Variants in TENM1 observed in about 807,000 individuals in gnomAD.
TENM1 encodes the protein teneurin transmembrane protein 1, also known as teneurin-1.
TENM1 carries 35 observed loss-of-function variants against 174.8 expected under a neutral mutation model. That is an observed-to-expected ratio of 0.20 (90% CI 0.15 to 0.27). The LOEUF is 0.27. TENM1 is among the 10% of genes least tolerant of loss of function. The probability of loss-of-function intolerance (pLI) is 1.00; values close to 1 mark genes in which losing one functional copy is unlikely to be tolerated. For missense variants in TENM1, 1,633 were observed against 2,130.1 expected (o/e 0.77, Z 4.59); for synonymous variants, 781 against 798.7 (o/e 0.98, Z 0.37).
chrX:124,645,019 C>T, intron 10 of TENM1, 124 bp downstream of exon 13: 2 of 635,099 alleles, frequency 3.1e-6, no homozygotes, highest in Admixed American at 3.3e-5. Flanking sequence ...GCTGCATGTA[C>T]TAAGACGCTG....
chrX:124,421,959 GA>G (rs1305977369), intron 24 of TENM1, among the ~76,000 whole-genome samples: 2 of 111,946 alleles, frequency 1.8e-5, no homozygotes, highest in Non-Finnish European at 3.8e-5. Flanking sequence ...AACTTTTTAA[GA>G]GTCTAAACAT....
At chrX:124,478,750 G>T (rs1603282884) in intron 22 of TENM1, among the ~76,000 whole-genome samples, 1 of 111,767 alleles carries the variant, frequency 8.9e-6, no homozygotes, top group South Asian at 3.8e-4. Flanking sequence ...TCTCCTTAAA[G>T]AAATTCATTA....
chrX:124,587,437 G>A (rs1363193647), intron 11 of TENM1, among the ~76,000 whole-genome samples: 1 of 109,094 alleles, frequency 9.2e-6, no homozygotes, highest in East Asian at 2.9e-4. Context: ...AAGCAATGGG[G>A]AAAGGATTCC....
At chrX:125,053,015 CAA>C in the TENM1 span, among the ~76,000 whole-genome samples, 4 of 112,239 alleles carry the variant, frequency 3.6e-5, no homozygotes, top group African/African-American at 1.3e-4. Flanking sequence ...CATCACCTCA[CAA>C]AGTTACCTTT....
intron 4 of TENM1, among the ~76,000 whole-genome samples, chrX:124,727,030 A>G (rs1192694753): frequency 8.9e-6 from 1 of 112,257 alleles, no homozygotes; most frequent in Non-Finnish European, 1.9e-5. Context: ...TTTTGTAAAA[A>G]TAACCCTGTA....
At chrX:124,942,629 G>A (rs2058346909) in intron 1 of TENM1, among the ~76,000 whole-genome samples, 1 of 111,754 alleles carries the variant, frequency 8.9e-6, no homozygotes, top group Admixed American at 9.5e-5. Context: ...AAATGGTAAT[G>A]TAATTTAGAG....
At chrX:124,431,293 C>T (rs184342995) in intron 23 of TENM1, among the ~76,000 whole-genome samples, 2 of 112,637 alleles carry the variant, frequency 1.8e-5, no homozygotes, top group Admixed American at 1.9e-4. Context: ...CCATTTCAAA[C>T]ATGACACTTC....
chrX:124,648,918 G>A (rs1488289144), intron 8 of TENM1, among the ~76,000 whole-genome samples: 4 of 111,633 alleles, frequency 3.6e-5, no homozygotes, highest in African/African-American at 6.5e-5. Context: ...TTTAAGAACT[G>A]TCCCTGAGCT....
At chrX:125,049,479 A>G in the TENM1 span, among the ~76,000 whole-genome samples, 25,746 of 111,056 alleles carry the variant, frequency 0.23, 2,916 homozygotes, top group African/African-American at 0.44. Flanking sequence ...CTTTGTTATT[A>G]TGAATAAGCT....
chrX:125,006,560 C>A, the TENM1 span, among the ~76,000 whole-genome samples: 1 of 112,040 alleles, frequency 8.9e-6, no homozygotes, highest in African/African-American at 3.3e-5. Context: ...TGGCCCCATG[C>A]CTCCTGATTG....
At chrX:124,963,570 T>C (rs996257701) in exon 1 of TENM1, 8 of 1,211,511 alleles carry the variant, frequency 6.6e-6, no homozygotes, top group Non-Finnish European at 8.9e-6. Context: ...TTCCTCTTTC[T>C]ACTCTGGCTA....
At chrX:124,951,529 G>T (rs184675749) in intron 1 of TENM1, among the ~76,000 whole-genome samples, 30 of 107,724 alleles carry the variant, frequency 2.8e-4, no homozygotes, top group Non-Finnish European at 4.4e-4. Flanking sequence ...ACTGCAAAGG[G>T]TTATGAACTT....
chrX:124,503,699 A>T, exon 19 of TENM1: 1 of 1,191,652 alleles, frequency 8.4e-7, no homozygotes, highest in Non-Finnish European at 1.1e-6. Context: ...CATATCCCAC[A>T]GATACTGCAA....
chrX:125,142,636 C>T, the TENM1 span, among the ~76,000 whole-genome samples: 99 of 111,055 alleles, frequency 8.9e-4, no homozygotes, highest in African/African-American at 2.9e-3. Context: ...TCCATTAACA[C>T]GGACAGGCAA....
At chrX:124,972,159 G>A in the TENM1 span, among the ~76,000 whole-genome samples, 3 of 109,041 alleles carry the variant, frequency 2.8e-5, no homozygotes, top group South Asian at 4.3e-4. Context: ...CTTGAACCTG[G>A]GAGGCATAGG....
intron 3 of TENM1, among the ~76,000 whole-genome samples, chrX:124,864,634 C>A (rs1468367372): frequency 1.8e-5 from 2 of 110,757 alleles, no homozygotes; most frequent in East Asian, 2.8e-4. Context: ...AGGGGCAAAT[C>A]TAAGAGTTAT....
chrX:124,894,274 T>A, intron 3 of TENM1, 22 bp downstream of exon 6: 1 of 1,176,915 alleles, frequency 8.5e-7, no homozygotes. Flanking sequence ...TAATTTGTGA[T>A]CAAATATTTG....
chrX:124,678,248 A>C (rs1209370730), intron 5 of TENM1, among the ~76,000 whole-genome samples: 2 of 111,405 alleles, frequency 1.8e-5, no homozygotes, highest in Non-Finnish European at 3.8e-5. Context: ...GTATGTACTG[A>C]AATGAAACAA....
intron 1 of TENM1, among the ~76,000 whole-genome samples, chrX:124,940,434 T>G (rs981909436): frequency 3.6e-5 from 4 of 112,015 alleles, no homozygotes; most frequent in South Asian, 3.8e-4. Context: ...TTAGCTCCAG[T>G]TATTTCCTAT....
Sources: allele counts gnomAD v4.1 joint callset (sites outside exome capture counted in the v4.1 genomes callset), GRCh38; gene constraint gnomAD v4.1.1; transcripts MANE v1.5; gene names NCBI Gene and HGNC (gene_info 2026-07-23, HGNC 2026-07-21).